COL6A1: variants seen among roughly 807,000 people sequenced by gnomAD.
The protein encoded by COL6A1 is collagen type VI alpha 1 chain, also known as collagen alpha-1(VI) chain.
Under a neutral mutation model 145.6 loss-of-function variants are expected in COL6A1, and 80 were observed. The observed-to-expected ratio is 0.55, with a 90% CI of 0.46 to 0.66. The LOEUF (loss-of-function observed/expected upper bound fraction) is 0.66. Ranked by LOEUF, COL6A1 falls within the 30% of genes least tolerant of loss-of-function variation. The pLI, the probability that COL6A1 is intolerant of heterozygous loss-of-function variation, is 0.00. For missense variants in COL6A1, 1,364 were observed against 1,473.8 expected (o/e 0.93, Z 1.22); for synonymous variants, 638 against 622.8 (o/e 1.02, Z -0.36).
At chr21:45,995,855 C>T (rs912817157) in intron 20 of COL6A1, among the ~76,000 whole-genome samples, 3 of 152,196 alleles carry the variant, frequency 2.0e-5, no homozygotes, top group Admixed American at 1.3e-4. Flanking sequence ...TGGGGCCTTT[C>T]GGGGCCCGGG....
In COL6A1 at chr21:45,981,880, G is replaced by T; in HGVS notation, c.30G>T (p.Leu10=). ...GGGCGGCCCGTGCTCTGCTGCCCCT[G>T]CTGCTGCAGGCCTGCTGGACAGCCG... MRAARALLP[L]LLQACWTAAQ... The change falls in exon 1 of 35, where the codon CTG becomes CTT. Residue 10 remains leucine, a synonymous_variant. Transcript: ENST00000361866. The T allele has an allele frequency of 2.5e-6, 4 of 1,600,750 alleles. No homozygotes were observed. The highest frequency in any genetic ancestry group is 3.4e-6 in the Non-Finnish European group (4 of 1,175,520).
At position 45,982,831 on chromosome 21, in the gene COL6A1, A is replaced by G. The variant is rs537671612; in HGVS notation, c.227+68A>G. 27 of 1,593,074 alleles carry G rather than the reference A, an allele frequency of 1.7e-5. No individual in the cohort carries two copies. The South Asian group carries it at 3.0e-4, about 18-fold the overall frequency. On this transcript the variant is annotated intron_variant, in intron 2 of 34. Coordinates refer to ENST00000361866, the MANE Select transcript of COL6A1 (RefSeq NM_001848.3). The stretch of plus-strand genomic sequence containing the variant: ...CTCTTGGAGGGAGGGGTGGGGGCCC[A>G]GGGGAACACGGGTGCGACGGCCTCA...
intron 16 of COL6A1, 42 bp from the exon 17 acceptor site, chr21:45,992,122 G>T: frequency 6.2e-7 from 1 of 1,613,640 alleles, no homozygotes; most frequent in African/African-American, 1.3e-5. Flanking sequence ...CCCAGGGAGG[G>T]TCAAGGAGAT....
intron 29 of COL6A1, 104 bp downstream of exon 29, chr21:46,000,871 C>A: frequency 7.1e-7 from 1 of 1,407,946 alleles, no homozygotes; most frequent in South Asian, 1.1e-5. Flanking sequence ...CTCTGGTCCC[C>A]GCCCGCAGCT....
chr21:45,992,524 CTTCACCCA>C, intron 18 of COL6A1, 126 bp downstream of exon 18: 1 of 1,230,368 alleles, frequency 8.1e-7, no homozygotes, highest in South Asian at 1.4e-5. Flanking sequence ...AAATGGGTTT[CTTCACCCA>C]CACGTCCAGG....
At position 46,003,111 on chromosome 21, in the gene COL6A1, C is replaced by T. The variant is rs1279290224; in HGVS notation, c.2435-9C>T. On this transcript the variant is annotated splice_polypyrimidine_tract_variant and intron_variant, in intron 33 of 34. Transcript: ENST00000361866. ...TGGGCTCACACTGCACGGCTTTTCT[C>T]TTTTACAGACAAGAAGTGTCCAGAT... is the stretch of plus-strand genomic sequence containing the variant. 1.2e-6 allele frequency: 2 copies of T among 1,613,990 alleles called. No homozygotes were observed. Among genetic ancestry groups the T allele is most frequent in the Non-Finnish European group, 1.7e-6 (2 of 1,179,984 alleles).
chr21:45,986,599 C>T lies in COL6A1; in HGVS notation c.502C>T (p.Pro168Ser). The T allele has an allele frequency of 6.4e-7, 1 of 1,561,578 alleles. No individual in the cohort carries two copies. The highest frequency in any genetic ancestry group is 1.2e-5 in the South Asian group (1 of 84,726). Residue 168 changes from proline (P) to serine (S), a missense_variant, in exon 4 of 35, where the codon CCC becomes TCC. Physicochemically the swap from Pro to Ser is moderately conservative, Grantham distance 74. Transcript: ENST00000361866. ...GCACCCCCTGGAGGGCTACAAGGAA[C>T]CCTGTGGGGGGCTGGAGGATGCTGT... ...DGHPLEGYKE[P>S]CGGLEDAVNE...
chr21:45,997,047 C>G (rs2077808906), intron 20 of COL6A1, among the ~76,000 whole-genome samples: 1 of 152,134 alleles, frequency 6.6e-6, no homozygotes, highest in Non-Finnish European at 1.5e-5. Flanking sequence ...GTAGCCTCAC[C>G]CCTCCGTGGG....
intron 5 of COL6A1, 38 bp downstream of exon 5, chr21:45,987,110 G>A (rs1317981387): frequency 1.1e-5 from 17 of 1,574,140 alleles, no homozygotes; most frequent in East Asian, 2.3e-5. Flanking sequence ...GGCCCGCGGC[G>A]GCCGCAGGTG....
chr21:46,000,460 G>T, intron 28 of COL6A1, 93 bp downstream of exon 28: 1 of 1,466,032 alleles, frequency 6.8e-7, no homozygotes, highest in East Asian at 2.3e-5. Flanking sequence ...ACTGTTGGGG[G>T]CCTGGGTCTC....
intron 8 of COL6A1, 22 bp downstream of exon 8, chr21:45,987,676 T>G: frequency 6.2e-7 from 1 of 1,602,494 alleles, no homozygotes; most frequent in Non-Finnish European, 8.5e-7. Flanking sequence ...CTCCTGCTCC[T>G]CCCATGTGTT....
intron 33 of COL6A1, 121 bp from the exon 34 acceptor site, chr21:46,002,998 GC>G: frequency 6.9e-7 from 1 of 1,439,018 alleles, no homozygotes. Flanking sequence ...CCTCCTCCCG[GC>G]TCGCTGTGAC....
At chr21:45,997,283 T>TC in intron 20 of COL6A1, 138 bp from the exon 21 acceptor site, 1 of 804,152 alleles carries the variant, frequency 1.2e-6, no homozygotes. Flanking sequence ...GGCCTGGCTC[T>TC]CCCCCTGCAC....
rs1205391211 is a variant in COL6A1 at position 45,997,731 on chromosome 21, C to G, written c.1493C>G (p.Pro498Arg). Reference sequence around the variant, plus strand: ...AGAGGAGCCCCAGGACCTGCCGGACCCCCTGGAGACCCGGGGCTGATGGGT... The same window carrying G: ...AGAGGAGCCCCAGGACCTGCCGGACGCCCTGGAGACCCGGGGCTGATGGGT... ...GARGAPGPAG[P>R]PGDPGLMGER... The change falls in exon 22 of 35, where the codon CCC becomes CGC. Residue 498 changes from proline to arginine, a missense_variant. Physicochemically the swap from Pro to Arg is moderately radical, Grantham distance 103 (BLOSUM62 -2). Around this residue, in one of 3 missense-constraint regions of COL6A1, gnomAD observed 938 missense variants for 1,003.8 expected, o/e 0.93. Coordinates refer to ENST00000361866, the MANE Select transcript of COL6A1 (RefSeq NM_001848.3). 1.3e-6 allele frequency: 2 copies of G among 1,595,978 alleles called. No individual in the cohort carries two copies. Among genetic ancestry groups the G allele is most frequent in the Admixed American group, 1.7e-5 (1 of 57,920 alleles).
At position 46,002,715 on chromosome 21, in the gene COL6A1, G is replaced by A. The variant is rs1360722232; in HGVS notation, c.2434+5G>A. 9.9e-6 allele frequency: 16 copies of A among 1,611,016 alleles called. No homozygotes were observed. The highest frequency in any genetic ancestry group is 2.2e-5 in the South Asian group (2 of 90,762). ...TCACCGCCCAGATCTGCATAGGTGC[G>A]CATGGGGCCACCCGGGCAGTCCCAG... is the stretch of plus-strand genomic sequence containing the variant. On this transcript the variant is annotated splice_donor_5th_base_variant and intron_variant, in intron 33 of 34. Coordinates refer to ENST00000361866, the MANE Select transcript of COL6A1 (RefSeq NM_001848.3).
Position 45,999,674 on chromosome 21 carries a change from A to C in COL6A1, c.1758A>C (p.Gln586His). 1 of 1,613,300 alleles carries C rather than the reference A, an allele frequency of 6.2e-7. No individual in the cohort carries two copies. Among genetic ancestry groups the C allele is most frequent in the Non-Finnish European group, 8.5e-7 (1 of 1,179,866 alleles). Residue 586 changes from glutamine to histidine, a missense_variant, in exon 27 of 35, where the codon CAA becomes CAC. Transcript: ENST00000361866. Reference protein sequence around the residue: ...PEGPQGPPGHQGPPGPDECEI... With the variant: ...PEGPQGPPGHHGPPGPDECEI... ...TCGGACAGGGACCCCCAGGACACCA[A>C]GGACCGCCTGGGCCGGACGTAAGTG...
intron 1 of COL6A1, 120 bp downstream of exon 1, chr21:45,982,067 A>AC (rs2077710329): frequency 8.3e-6 from 7 of 841,258 alleles, no homozygotes; most frequent in Non-Finnish European, 1.4e-5. Context: ...GAGCCCCTGA[A>AC]CCCCACTCCC....
At position 46,001,945 on chromosome 21, in the gene COL6A1, G is replaced by C. The variant is rs373143020; in HGVS notation, c.1957-16G>C. The C allele has an allele frequency of 8.7e-6, 14 of 1,609,208 alleles. No individual in the cohort carries two copies. Among genetic ancestry groups the C allele is most frequent in the African/African-American group, 8.0e-5 (6 of 74,876 alleles). Reference sequence around the variant, plus strand: ...GGGGCAGCACTCGCGTCCTGACCCCGGTGCCGGTCCCACAGTTCGAGCCAG... The same window carrying C: ...GGGGCAGCACTCGCGTCCTGACCCCCGTGCCGGTCCCACAGTTCGAGCCAG... On this transcript the variant is annotated splice_polypyrimidine_tract_variant and intron_variant, in intron 30 of 34. Coordinates refer to ENST00000361866, the MANE Select transcript of COL6A1 (RefSeq NM_001848.3).
intron 6 of COL6A1, 37 bp downstream of exon 6, chr21:45,987,212 G>A: frequency 6.3e-7 from 1 of 1,587,234 alleles, no homozygotes; most frequent in Non-Finnish European, 8.5e-7. Flanking sequence ...CCGTGAGTCT[G>A]CACACGTCCA....
Sources: gnomAD v4.1 joint callset for allele counts (sites outside exome capture counted in the v4.1 genomes callset) on GRCh38, gnomAD v4.1.1 for gene constraint, gnomAD v4.1.1 regional missense constraint, MANE v1.5 for transcripts, NCBI Gene and HGNC (gene_info 2026-07-23, HGNC 2026-07-21) for gene names.